The following AKAP10 variants were observed in gnomAD, a reference collection of about 807,000 sequenced individuals.
AKAP10 encodes A-kinase anchoring protein 10, also known as A-kinase anchor protein 10, mitochondrial.
In AKAP10, 24 loss-of-function variants were observed where a neutral mutation model predicts 80.8. The observed-to-expected ratio is 0.30, with a 90% CI of 0.22 to 0.42. The LOEUF is 0.42. Among genes scored for constraint, AKAP10 ranks in the 10% least tolerant of loss-of-function variants. AKAP10 has a pLI of 1.00. For missense variants in AKAP10, 661 were observed against 794.9 expected, an observed-to-expected ratio of 0.83 and a Z score of 2.03; for synonymous variants, 291 against 277.7, an observed-to-expected ratio of 1.05 and a Z score of -0.48.
intron 1 of AKAP10, among the ~76,000 whole-genome samples, chr17:19,971,128 G>C (rs2043491787): frequency 1.3e-5 from 2 of 151,856 alleles, no homozygotes; most frequent in South Asian, 4.2e-4. Context: ...TGGGATTACA[G>C]GTGTGAGCCA....
intron 14 of AKAP10, among the ~76,000 whole-genome samples, chr17:19,906,483 C>T (rs902435964): frequency 6.6e-6 from 1 of 152,220 alleles, no homozygotes; most frequent in Non-Finnish European, 1.5e-5. Flanking sequence ...TCCAGACTTG[C>T]TTTCCCATGT....
At chr17:19,963,557 A>T (rs1161759729) in intron 2 of AKAP10, among the ~76,000 whole-genome samples, 1 of 152,144 alleles carries the variant, frequency 6.6e-6, no homozygotes, top group Non-Finnish European at 1.5e-5. Flanking sequence ...TAGGAACAAA[A>T]CTAAAATTGC....
rs765599763 is a variant in AKAP10, at chr17:19,941,834, C to T, written c.1053G>A (p.Met351Ile). 4 of 1,592,502 alleles carry T rather than the reference C, an allele frequency of 2.5e-6. No individual in the cohort carries two copies. The Admixed American group carries it at 5.2e-5, about 21-fold the overall frequency. Reference sequence around the variant, plus strand: ...AATATGAACTAACTTACTCTTGCTCCATTGCACTAAAGACTATGGACTGTG... The same window carrying T: ...AATATGAACTAACTTACTCTTGCTCTATTGCACTAAAGACTATGGACTGTG... ...VLAQSIVFSA[M>I]EQEHFSEFLR... The change falls in exon 6 of 15, where the codon ATG (methionine) becomes ATA (isoleucine). Residue 351 changes from methionine to isoleucine, a missense_variant. Coordinates refer to ENST00000225737, the MANE Select transcript of AKAP10 (RefSeq NM_007202.4).
chr17:19,950,993 C>T (rs1272912223), intron 4 of AKAP10, among the ~76,000 whole-genome samples: 2 of 151,552 alleles, frequency 1.3e-5, no homozygotes, highest in Non-Finnish European at 2.9e-5. Flanking sequence ...TGTCTCTGCC[C>T]GACCGCCACC....
intron 12 of AKAP10, among the ~76,000 whole-genome samples, chr17:19,918,227 A>AC (rs2042770347): frequency 6.9e-6 from 1 of 145,672 alleles, no homozygotes. Context: ...TCTCAAACAA[A>AC]AAAAAAAAAA....
chr17:19,947,309 C>A, intron 5 of AKAP10, 98 bp downstream of exon 5: 1 of 913,580 alleles, frequency 1.1e-6, no homozygotes. Context: ...CTGCTAAATT[C>A]CATGTTAAGA....
At chr17:19,938,527 G>A (rs550936408) in intron 8 of AKAP10, among the ~76,000 whole-genome samples, 2 of 152,100 alleles carry the variant, frequency 1.3e-5, no homozygotes, top group African/African-American at 2.4e-5. Context: ...GTGAGCCACC[G>A]CAACCAGCCT....
In AKAP10 at chr17:19,977,576, G is replaced by C; in HGVS notation, c.88+16C>G. 3 of 1,233,268 alleles carry C rather than the reference G, an allele frequency of 2.4e-6. No individual in the cohort carries two copies. Among genetic ancestry groups the C allele is most frequent in the Non-Finnish European group, 3.0e-6 (3 of 987,700 alleles). 76.4% of individuals were successfully genotyped at this position (1,233,268 alleles called of 1,614,324 possible). The stretch of plus-strand genomic sequence containing the variant: ...TGAGGCCCGGCCTGACTCCCCGCCG[G>C]CGCCCCCTCAGCTACCTTTCCGCCG... On this transcript the variant is annotated intron_variant, in intron 1 of 14. Transcript: ENST00000225737.
Position 19,911,835 on chromosome 17 carries a change from CAAAAAAAAAAAAAAAAAAAAAA to C in AKAP10, c.1835-1879_1835-1858del, listed in dbSNP as rs71157844. Among the ~76,000 whole-genome samples the C allele has an allele frequency of 7.3e-5, 4 of 54,984 alleles. 1 individual carries two copies. Among genetic ancestry groups the C allele is most frequent in the Admixed American group, 3.5e-4 (1 of 2,836 alleles). The allele number at this position is 54,984 out of a possible 152,430, so 36.1% of individuals were successfully genotyped here. ...CGGCAACAAGAGCAAAACTCTGTCACAAAAAAAAAAAAAAAAAAAAAAAAAAAAAAAAAAGAAATCTCTGATG... is the reference window on the plus strand; with the variant it reads ...CGGCAACAAGAGCAAAACTCTGTCACAAAAAAAAAAAAGAAATCTCTGATG... On this transcript the variant is annotated intron_variant, in intron 12 of 14. Coordinates refer to ENST00000225737, the MANE Select transcript of AKAP10 (RefSeq NM_007202.4).
chr17:19,920,085 C>T lies in AKAP10; in HGVS notation c.1785G>A (p.Gly595=). 2 of 1,613,288 alleles carry T rather than the reference C, an allele frequency of 1.2e-6. No individual in the cohort carries two copies. Among genetic ancestry groups the T allele is most frequent in the Non-Finnish European group, 1.7e-6 (2 of 1,179,374 alleles). Residue 595 remains glycine, a synonymous_variant, in exon 12 of 15, where the codon GGG becomes GGA. Coordinates refer to ENST00000225737, the MANE Select transcript of AKAP10 (RefSeq NM_007202.4). The part of the protein sequence containing the change: ...KMTFGRVSDL[G]QFIRESEPEP... ...CAGGCTCAGATTCTCGGATGAATTGCCCCAAGTCACTGACTCTTCCAAATG... is the reference window on the plus strand; with the variant it reads ...CAGGCTCAGATTCTCGGATGAATTGTCCCAAGTCACTGACTCTTCCAAATG...
chr17:19,972,074 C>A (rs535344388), intron 1 of AKAP10, among the ~76,000 whole-genome samples: 5 of 152,350 alleles, frequency 3.3e-5, no homozygotes, highest in African/African-American at 1.2e-4. Context: ...CCACTGCATT[C>A]TAGCCTGGGC....
chr17:19,921,823 A>AAT (rs2042820837), intron 11 of AKAP10, among the ~76,000 whole-genome samples: 1 of 152,210 alleles, frequency 6.6e-6, no homozygotes, highest in South Asian at 2.1e-4. Context: ...GCAAAACAGT[A>AAT]ATACATACAC....
At chr17:19,971,904 G>A (rs779970546) in intron 1 of AKAP10, among the ~76,000 whole-genome samples, 3 of 151,868 alleles carry the variant, frequency 2.0e-5, no homozygotes, top group African/African-American at 4.8e-5. Flanking sequence ...TCAGGAGTTC[G>A]AGACCAGCCT....
chr17:19,955,706 G>T (rs1185850123), intron 4 of AKAP10, among the ~76,000 whole-genome samples: 1 of 152,046 alleles, frequency 6.6e-6, no homozygotes, highest in East Asian at 1.9e-4. Flanking sequence ...ATGGTGGTGG[G>T]CACCTGTAAT....
At chr17:19,968,244 T>C (rs1283901911) in intron 2 of AKAP10, among the ~76,000 whole-genome samples, 170 bp downstream of exon 2, 3 of 149,136 alleles carry the variant, frequency 2.0e-5, no homozygotes, top group East Asian at 3.9e-4. Flanking sequence ...ATATGCTAGA[T>C]GTTAAAGCAT....
At chr17:19,909,494 C>G (rs918553520) in intron 13 of AKAP10, among the ~76,000 whole-genome samples, 21 of 152,280 alleles carry the variant, frequency 1.4e-4, no homozygotes, top group African/African-American at 3.9e-4. Context: ...TACCTAACAC[C>G]GAACTACTTT....
At chr17:19,972,014 G>A (rs1442828287) in intron 1 of AKAP10, among the ~76,000 whole-genome samples, 1 of 152,142 alleles carries the variant, frequency 6.6e-6, no homozygotes, top group Non-Finnish European at 1.5e-5. Context: ...GCTGAGGCAG[G>A]AGAATTGCTT....
rs1597511633 is a variant in AKAP10, at chr17:19,947,382, TGCCATAG to T, written c.976+18_976+24del. On this transcript the variant is annotated intron_variant, in intron 5 of 14. Coordinates refer to ENST00000225737, the MANE Select transcript of AKAP10 (RefSeq NM_007202.4). ...TGTGCATTTTTTGTCATTTTTTTTT[TGCCATAG>T]TTTCAAGCACTGCTTACCTATGATG... 6.6e-7 allele frequency: 1 copy of T among 1,516,338 alleles called. No homozygotes were observed. The allele number at this position is 1,516,338 out of a possible 1,614,324, so 93.9% of individuals were successfully genotyped here.
Position 19,957,415 on chromosome 17 carries a change from G to A in AKAP10, c.877+599C>T, listed in dbSNP as rs75754861. Among the ~76,000 whole-genome samples, 88 of 152,124 alleles carry A rather than the reference G, an allele frequency of 5.8e-4. No individual in the cohort carries two copies. The East Asian group carries it at 0.013, about 22-fold the overall frequency. On this transcript the variant is annotated intron_variant, in intron 4 of 14. Coordinates refer to ENST00000225737, the MANE Select transcript of AKAP10 (RefSeq NM_007202.4). ...AAATTAGCCGGGTGTGGTGGCAGGCGCCTGTAGTCCCAGCTATTTGGGAGG... is the reference window on the plus strand; with the variant it reads ...AAATTAGCCGGGTGTGGTGGCAGGCACCTGTAGTCCCAGCTATTTGGGAGG...
Sources: gnomAD v4.1 joint callset for allele counts (sites outside exome capture counted in the v4.1 genomes callset) on GRCh38, gnomAD v4.1.1 for gene constraint, MANE v1.5 for transcripts, NCBI Gene and HGNC (gene_info 2026-07-23, HGNC 2026-07-21) for gene names.